Variants in CILK1 observed in about 807,000 individuals in gnomAD.
The protein encoded by CILK1 is ciliogenesis associated kinase 1, also known as serine/threonine-protein kinase ICK.
A neutral mutation model predicts 79.2 loss-of-function variants in CILK1; 47 were observed. The observed-to-expected ratio is 0.59, with a 90% CI of 0.47 to 0.76. The LOEUF is 0.76. Among genes scored for constraint, CILK1 ranks in the 30% least tolerant of loss-of-function variants. The pLI is 0.00. For synonymous variants in CILK1, 266 were observed against 275.9 expected (o/e 0.96, Z 0.36); for missense variants, 660 against 769.5 (o/e 0.86, Z 1.68).
chr6:53,047,995 G>C (rs1228188516), intron 1 of CILK1, among the ~76,000 whole-genome samples: 1 of 152,114 alleles, frequency 6.6e-6, no homozygotes, highest in Non-Finnish European at 1.5e-5. Flanking sequence ...CAAAGATAGA[G>C]TATTATTGGA....
At chr6:53,047,896 T>C (rs987073662) in intron 1 of CILK1, among the ~76,000 whole-genome samples, 1 of 152,036 alleles carries the variant, frequency 6.6e-6, no homozygotes, top group Non-Finnish European at 1.5e-5. Flanking sequence ...GGGTTCTGTT[T>C]TCTCGGGGGC....
chr6:53,048,226 A>G (rs1464705800), intron 1 of CILK1, among the ~76,000 whole-genome samples: 1 of 152,218 alleles, frequency 6.6e-6, no homozygotes, highest in Non-Finnish European at 1.5e-5. Context: ...GAGGCATCTA[A>G]ATGAAAGTAC....
chr6:53,051,747 A>C (rs2127465665), intron 1 of CILK1, among the ~76,000 whole-genome samples: 1 of 152,314 alleles, frequency 6.6e-6, no homozygotes, highest in South Asian at 2.1e-4. Flanking sequence ...GTATCTTTGC[A>C]GGCTATTATT....
Position 53,019,209 on chromosome 6 carries a change from G to C in CILK1, c.491+18C>G, listed in dbSNP as rs765959738. 9.3e-6 allele frequency: 15 copies of C among 1,607,076 alleles called. 1 individual carries two copies. In the South Asian group the frequency reaches 1.5e-4, roughly 16 times the overall value. On this transcript the variant is annotated intron_variant, in intron 6 of 13. Coordinates refer to ENST00000676107, the MANE Select transcript of CILK1 (RefSeq NM_014920.5). ...TAAAGAAGTGCAATTAAATAATTTT[G>C]AGAAAAATGGTATTCACCATCTGGT...
chr6:53,048,086 G>A (rs1003172649), intron 1 of CILK1, among the ~76,000 whole-genome samples: 25 of 152,126 alleles, frequency 1.6e-4, no homozygotes, highest in African/African-American at 5.6e-4. Context: ...AGAACACAAC[G>A]TGAAAGGTGC....
At chr6:53,018,156 G>A (rs754710536) in intron 7 of CILK1, among the ~76,000 whole-genome samples, 174 bp downstream of exon 7, 2 of 152,200 alleles carry the variant, frequency 1.3e-5, no homozygotes, top group African/African-American at 4.8e-5. Context: ...AGAACAGGAG[G>A]AGGAAGAGAA....
At chr6:53,028,735 G>T (rs115028289) in intron 5 of CILK1, among the ~76,000 whole-genome samples, 3 of 152,192 alleles carry the variant, frequency 2.0e-5, no homozygotes, top group Non-Finnish European at 4.4e-5. Flanking sequence ...TGAGTGTCTA[G>T]TGCATGGAGG....
Position 53,009,477 on chromosome 6 carries a change from G to T in CILK1, c.1583C>A (p.Ser528Tyr), listed in dbSNP as rs1178437774. ...PWSSSGLSGK[S>Y]SGTMSVISKV... ...GCTGATTACTGACATTGTCCCTGAA[G>T]ATTTTCCAGACAAGCCAGAACTAGA... Residue 528 changes from serine to tyrosine, a missense_variant, in exon 12 of 14, where the codon TCT becomes TAT. Transcript: ENST00000676107. 4.3e-6 allele frequency: 7 copies of T among 1,613,996 alleles called. No homozygotes were observed. The highest frequency in any genetic ancestry group is 4.2e-6 in the Non-Finnish European group (5 of 1,179,856).
rs1340274262 is a variant in CILK1 at position 53,004,305 on chromosome 6, T to C, written c.*844A>G. On this transcript the variant is annotated 3_prime_UTR_variant, in exon 14 of 14. Transcript: ENST00000676107. Reference sequence around the variant, plus strand: ...CATCTTGGCAGGAATGTAAGTTTGATTGACTGTGTTAACCTTCATGTTGAG... The same window carrying C: ...CATCTTGGCAGGAATGTAAGTTTGACTGACTGTGTTAACCTTCATGTTGAG... The C allele has an allele frequency of 1.3e-5, 2 of 152,250 alleles. No individual in the cohort carries two copies. The highest frequency in any genetic ancestry group is 2.4e-5 in the African/African-American group (1 of 41,458). 9.4% of individuals were successfully genotyped at this position (152,250 alleles called of 1,614,324 possible).
chr6:53,013,842 C>T lies in CILK1; in HGVS notation c.972G>A (p.Gln324=), dbSNP rs2127411532. The change falls in exon 9 of 14, where the codon CAG becomes CAA. Residue 324 remains glutamine (Q), a synonymous_variant. Transcript: ENST00000676107. The part of the protein sequence containing the change: ...PPYIKPVPPA[Q]PPAKPHTRIS... Reference sequence around the variant, plus strand: ...TTCGTGTGTGTGGCTTGGCTGGTGGCTGGGCAGGTGGGACTGGCTTAATAT... The same window carrying T: ...TTCGTGTGTGTGGCTTGGCTGGTGGTTGGGCAGGTGGGACTGGCTTAATAT... 1 of 1,614,038 alleles carries T rather than the reference C, an allele frequency of 6.2e-7. No individual in the cohort carries two copies. Among genetic ancestry groups the T allele is most frequent in the South Asian group, 1.1e-5 (1 of 91,070 alleles).
intron 12 of CILK1, among the ~76,000 whole-genome samples, chr6:53,008,017 C>T (rs1477868736): frequency 6.6e-6 from 1 of 150,988 alleles, no homozygotes; most frequent in African/African-American, 2.4e-5. Flanking sequence ...GTTCTCGTAC[C>T]CAGAGGAATC....
chr6:53,015,570 T>C (rs371239667), intron 8 of CILK1, among the ~76,000 whole-genome samples: 1 of 152,252 alleles, frequency 6.6e-6, no homozygotes, highest in Non-Finnish European at 1.5e-5. Context: ...GGAGTCTTTA[T>C]TGGATTAAAA....
At chr6:53,041,011 C>A in intron 2 of CILK1, 125 bp downstream of exon 2, 1 of 747,956 alleles carries the variant, frequency 1.3e-6, no homozygotes, top group Non-Finnish European at 2.5e-6. Context: ...TCATCTAACC[C>A]ACAGCAATCA....
intron 5 of CILK1, among the ~76,000 whole-genome samples, chr6:53,020,894 T>C (rs1171874535): frequency 6.6e-6 from 1 of 152,218 alleles, no homozygotes; most frequent in African/African-American, 2.4e-5. Flanking sequence ...TATGTTAACT[T>C]ATCCAAAACC....
At chr6:53,028,561 A>T (rs1765727476) in intron 5 of CILK1, among the ~76,000 whole-genome samples, 1 of 152,204 alleles carries the variant, frequency 6.6e-6, no homozygotes, top group Admixed American at 6.5e-5. Flanking sequence ...ATTGGCAAGG[A>T]AATAAGGTAA....
chr6:53,031,617 G>A (rs761605367), intron 4 of CILK1, among the ~76,000 whole-genome samples: 6 of 152,114 alleles, frequency 3.9e-5, no homozygotes, highest in East Asian at 3.9e-4. Flanking sequence ...CAAAATTACC[G>A]TCGCAGGTAA....
chr6:53,024,511 TTG>T (rs1765446751), intron 5 of CILK1, among the ~76,000 whole-genome samples: 1 of 152,186 alleles, frequency 6.6e-6, no homozygotes, highest in Non-Finnish European at 1.5e-5. Context: ...GAAGGCCTGA[TTG>T]TGTGTTTCCA....
At chr6:53,033,020 G>C (rs185453973) in intron 3 of CILK1, among the ~76,000 whole-genome samples, 1 of 152,156 alleles carries the variant, frequency 6.6e-6, no homozygotes, top group African/African-American at 2.4e-5. Context: ...GATTTTTCTA[G>C]CACTGGAGAA....
intron 1 of CILK1, among the ~76,000 whole-genome samples, chr6:53,056,449 C>G (rs926178460): frequency 6.6e-6 from 1 of 152,140 alleles, no homozygotes; most frequent in African/African-American, 2.4e-5. Context: ...AATACATGGG[C>G]ATGGCTGTGT....
Sources: gnomAD v4.1 joint callset for allele counts (sites outside exome capture counted in the v4.1 genomes callset) on GRCh38, gnomAD v4.1.1 for gene constraint, MANE v1.5 for transcripts, NCBI Gene and HGNC (gene_info 2026-07-23, HGNC 2026-07-21) for gene names.